Variants in ABHD2 observed in about 807,000 individuals in gnomAD.
The protein encoded by ABHD2 is monoacylglycerol lipase ABHD2.
In ABHD2, 20 loss-of-function variants were observed where a neutral mutation model predicts 48.1. That is an observed-to-expected ratio of 0.42 (90% CI 0.29 to 0.60). The LOEUF is 0.60. ABHD2 is among the 20% of genes least tolerant of loss of function. The pLI, the probability that ABHD2 is intolerant of heterozygous loss-of-function variation, is 0.24. For missense variants in ABHD2, 405 were observed against 550.9 expected (o/e 0.74, Z 2.65); for synonymous variants, 209 against 214.2 (o/e 0.98, Z 0.21).
rs1314819561 is a variant in ABHD2 at position 89,114,541 on chromosome 15, G to A, written c.-7+717G>A. On this transcript the variant is annotated intron_variant, in intron 2 of 10. Transcript: ENST00000352732. This position sits in a 1 kb window ranked among gnomAD's most constrained non-coding sequence, Gnocchi z 4.2. ...TCTTGTCCCCAGGCTGGAGTGCAGTGGTGTGATCTTGGCTCACTGCAACCT... is the reference window on the plus strand; with the variant it reads ...TCTTGTCCCCAGGCTGGAGTGCAGTAGTGTGATCTTGGCTCACTGCAACCT... Among the ~76,000 whole-genome samples the A allele has an allele frequency of 1.3e-5, 2 of 152,248 alleles. No homozygotes were observed. The highest frequency in any genetic ancestry group is 2.1e-4 in the South Asian group (1 of 4,828).
Position 89,175,741 on chromosome 15 carries a change from G to A in ABHD2, c.539-71G>A, listed in dbSNP as rs577582483. 1.2e-4 allele frequency: 191 copies of A among 1,546,922 alleles called. No homozygotes were observed. Among genetic ancestry groups the A allele is most frequent in the Non-Finnish European group, 1.6e-4 (182 of 1,123,080 alleles). The stretch of plus-strand genomic sequence containing the variant: ...AGTATACTGGCACCCATTTAGTAAC[G>A]TTCCAGCTTGCATTTTCTCCAGATA... On this transcript the variant is annotated intron_variant, in intron 5 of 10. Coordinates refer to ENST00000352732, the MANE Select transcript of ABHD2 (RefSeq NM_152924.5). This position sits in a 1 kb window ranked among gnomAD's most constrained non-coding sequence, Gnocchi z 5.7.
rs1173086566 is a variant in ABHD2 at position 89,120,163 on chromosome 15, T to C, written c.194+3642T>C. ...TTCCCCCTCAGCATTAAAGTCAATT[T>C]GAAAATCTGTTCTAAGATGATTTAC... On this transcript the variant is annotated intron_variant, in intron 3 of 10. Transcript: ENST00000352732. The surrounding 1 kb of genome is among the most constrained non-coding windows in gnomAD (Gnocchi z 4.2). Among the ~76,000 whole-genome samples, 2 of 152,168 alleles carry C rather than the reference T, an allele frequency of 1.3e-5. No individual in the cohort carries two copies. The highest frequency in any genetic ancestry group is 6.5e-5 in the Admixed American group (1 of 15,286).
Position 89,185,597 on chromosome 15 carries a change from C to T in ABHD2, c.815+81C>T. The T allele has an allele frequency of 1.6e-6, 2 of 1,286,034 alleles. No homozygotes were observed. Among genetic ancestry groups the T allele is most frequent in the South Asian group, 2.5e-5 (2 of 80,806 alleles). The allele number at this position is 1,286,034 out of a possible 1,614,324, so 79.7% of individuals were successfully genotyped here. On this transcript the variant is annotated intron_variant, in intron 7 of 10. Transcript: ENST00000352732. This position sits in a 1 kb window ranked among gnomAD's most constrained non-coding sequence, Gnocchi z 5.9. ...TGGGAACCGTGAAAAGCCAGGACTC[C>T]TGTTCCTTCAGGGGAAAAAAAAAAA...
chr15:89,092,585 C>A lies in ABHD2; in HGVS notation c.-107+4022C>A, dbSNP rs1249578618. On this transcript the variant is annotated intron_variant, in intron 1 of 10. Transcript: ENST00000352732. The surrounding 1 kb of genome is among the most constrained non-coding windows in gnomAD (Gnocchi z 4.4). Reference sequence around the variant, plus strand: ...TAACTAGTAAATACATCTGTGTGTACCCCTGACCCCTGATCCTCAGAGGCA... The same window carrying A: ...TAACTAGTAAATACATCTGTGTGTAACCCTGACCCCTGATCCTCAGAGGCA... Among the ~76,000 whole-genome samples the A allele has an allele frequency of 6.6e-6, 1 of 152,098 alleles. No homozygotes were observed. The highest frequency in any genetic ancestry group is 2.4e-5 in the African/African-American group (1 of 41,408).
At chr15:89,078,709 A>G in the ABHD2 span, among the ~76,000 whole-genome samples, 15 of 145,546 alleles carry the variant, frequency 1.0e-4, no homozygotes, top group South Asian at 4.4e-4. Flanking sequence ...GTTGAATCTC[A>G]CCCTGACAAT....
At chr15:89,154,189 C>T (rs551732834) in intron 4 of ABHD2, among the ~76,000 whole-genome samples, 12 of 152,226 alleles carry the variant, frequency 7.9e-5, no homozygotes, top group East Asian at 1.9e-4. Context: ...TGGGCTCAAA[C>T]GATCCTCCTG....
chr15:89,069,171 G>A, the ABHD2 span, among the ~76,000 whole-genome samples: 1 of 148,498 alleles, frequency 6.7e-6, no homozygotes, highest in African/African-American at 2.5e-5. Context: ...TGTTGCCCAG[G>A]CTGGAGCACA....
chr15:89,076,389 T>C, the ABHD2 span, among the ~76,000 whole-genome samples: 1 of 152,216 alleles, frequency 6.6e-6, no homozygotes, highest in East Asian at 1.9e-4. Flanking sequence ...ATCTCTGAAA[T>C]AGAAGGACTT....
chr15:89,080,093 C>G, the ABHD2 span, among the ~76,000 whole-genome samples: 2 of 152,202 alleles, frequency 1.3e-5, no homozygotes, highest in Non-Finnish European at 2.9e-5. Flanking sequence ...GGCAGAGATT[C>G]TTTACAGGAA....
the ABHD2 span, among the ~76,000 whole-genome samples, chr15:89,054,488 C>T: frequency 6.6e-6 from 1 of 151,790 alleles, no homozygotes; most frequent in South Asian, 2.1e-4. Context: ...TGAGACCAGC[C>T]TGACCAACAG....
the ABHD2 span, among the ~76,000 whole-genome samples, chr15:89,059,356 C>T: frequency 6.6e-6 from 1 of 152,184 alleles, no homozygotes; most frequent in African/African-American, 2.4e-5. Flanking sequence ...TAGACCAGAC[C>T]TGGAGGAAAT....
At position 89,091,582 on chromosome 15, in the gene ABHD2, T is replaced by C. The variant is rs1567063074; in HGVS notation, c.-107+3019T>C. Among the ~76,000 whole-genome samples, 1 of 152,234 alleles carries C rather than the reference T, an allele frequency of 6.6e-6. No homozygotes were observed. The highest frequency in any genetic ancestry group is 1.5e-5 in the Non-Finnish European group (1 of 68,044). On this transcript the variant is annotated intron_variant, in intron 1 of 10. Transcript: ENST00000352732. The surrounding 1 kb of genome is among the most constrained non-coding windows in gnomAD (Gnocchi z 5.5). ...CCATAACCTCTGTAGTGGTTCTCAC[T>C]GCCCTTGTTCAGAGCTCCTGCCCCG...
chr15:89,075,321 A>G, the ABHD2 span: 2 of 152,278 alleles, frequency 1.3e-5, no homozygotes, highest in African/African-American at 4.8e-5. The surrounding 1 kb of genome is among the most constrained non-coding windows in gnomAD (Gnocchi z 4.1). Flanking sequence ...TGGATGAATG[A>G]ACTCCACAGG....
rs1405232363 is a variant in ABHD2, at chr15:89,177,706, T to A, written c.722+1711T>A. On this transcript the variant is annotated intron_variant, in intron 6 of 10. Coordinates refer to ENST00000352732, the MANE Select transcript of ABHD2 (RefSeq NM_152924.5). The surrounding 1 kb of genome is among the most constrained non-coding windows in gnomAD (Gnocchi z 5.6). ...GAGAGGACATGTGCCTTTATCTTGG[T>A]GGGACTAGTAATATCCAACTCCCAG... is the stretch of plus-strand genomic sequence containing the variant. Among the ~76,000 whole-genome samples the A allele has an allele frequency of 6.6e-6, 1 of 152,056 alleles. No individual in the cohort carries two copies. The highest frequency in any genetic ancestry group is 2.4e-5 in the African/African-American group (1 of 41,390).
chr15:89,072,201 T>C, the ABHD2 span, among the ~76,000 whole-genome samples: 1 of 152,104 alleles, frequency 6.6e-6, no homozygotes, highest in South Asian at 2.1e-4. Context: ...TTGGGCCAGG[T>C]GCAGTGGCTC....
chr15:89,102,131 G>A lies in ABHD2; in HGVS notation c.-106-11594G>A, dbSNP rs542193900. 6.6e-6 allele frequency among the ~76,000 whole-genome samples: 1 copy of A among 152,272 alleles called. No individual in the cohort carries two copies. The highest frequency in any genetic ancestry group is 6.5e-5 in the Admixed American group (1 of 15,302). The stretch of plus-strand genomic sequence containing the variant: ...CATCTGCCCATTTCCTGACCGCCCA[G>A]CATTCTTGGGCCTTGGCTCAACTGT... On this transcript the variant is annotated intron_variant, in intron 1 of 10. Transcript: ENST00000352732. This position sits in a 1 kb window ranked among gnomAD's most constrained non-coding sequence, Gnocchi z 4.8.
chr15:89,136,637 C>T lies in ABHD2; in HGVS notation c.195-15040C>T, dbSNP rs147551031. ...CCAGGTGCAGCCTCCTCACTCTCTC[C>T]GCTCTATAACATTGCTCTCCAGCCA... On this transcript the variant is annotated intron_variant, in intron 3 of 10. Coordinates refer to ENST00000352732, the MANE Select transcript of ABHD2 (RefSeq NM_152924.5). The T allele has an allele frequency of 3.1e-3, 548 of 175,604 alleles. 2 individuals are homozygous for T. The highest frequency in any genetic ancestry group is 0.012 in the African/African-American group (522 of 42,010). 10.9% of individuals were successfully genotyped at this position (175,604 alleles called of 1,614,324 possible).
intron 9 of ABHD2, among the ~76,000 whole-genome samples, chr15:89,192,277 G>A (rs985418321): frequency 6.6e-6 from 1 of 152,172 alleles, no homozygotes; most frequent in Non-Finnish European, 1.5e-5. Flanking sequence ...TTGTAGGAAT[G>A]TTGAGCTGTC....
the ABHD2 span, chr15:89,082,385 A>T: frequency 6.6e-6 from 1 of 152,342 alleles, no homozygotes; most frequent in Non-Finnish European, 1.5e-5. This position sits in a 1 kb window ranked among gnomAD's most constrained non-coding sequence, Gnocchi z 4.4. Context: ...TGAAGGCATT[A>T]TCTGGCCTCC....
Sources: gnomAD v4.1 joint callset for allele counts (sites outside exome capture counted in the v4.1 genomes callset) on GRCh38, gnomAD v4.1.1 for gene constraint, Gnocchi (gnomAD v3.1) non-coding constraint, MANE v1.5 for transcripts, NCBI Gene and HGNC (gene_info 2026-07-23, HGNC 2026-07-21) for gene names.